RIMBP2: variants seen among roughly 807,000 people sequenced by gnomAD.
RIMBP2 encodes RIMS-binding protein 2.
RIMBP2 carries 48 observed loss-of-function variants against 118.6 expected under a neutral mutation model. The ratio of observed to expected loss-of-function variants is 0.40; its 90% CI spans 0.32 to 0.51. The LOEUF (loss-of-function observed/expected upper bound fraction) is 0.51. Among genes scored for constraint, RIMBP2 ranks in the 20% least tolerant of loss-of-function variants. RIMBP2 has a pLI of 0.41. For synonymous variants in RIMBP2, 762 were observed against 742.9 expected (o/e 1.03, Z -0.42); for missense variants, 1,551 against 1,768.3 (o/e 0.88, Z 2.20).
chr12:130,637,624 T>A (rs1042827571), intron 1 of RIMBP2, among the ~76,000 whole-genome samples: 9 of 152,242 alleles, frequency 5.9e-5, no homozygotes, highest in Non-Finnish European at 1.2e-4. Flanking sequence ...GATCAATGTA[T>A]CCCTGCACTG....
chr12:130,448,172 G>A (rs1489188147), intron 9 of RIMBP2, among the ~76,000 whole-genome samples: 1 of 152,036 alleles, frequency 6.6e-6, no homozygotes, highest in Non-Finnish European at 1.5e-5. Flanking sequence ...GAATACCACT[G>A]AAAGAGTGAG....
chr12:130,412,857 C>G (rs541136993), intron 18 of RIMBP2, 70 bp from the exon 19 acceptor site: 1 of 1,406,580 alleles, frequency 7.1e-7, no homozygotes, highest in East Asian at 2.3e-5. Flanking sequence ...GTCCCACTGA[C>G]GGTAAGTGAG....
intron 1 of RIMBP2, among the ~76,000 whole-genome samples, chr12:130,684,817 C>T (rs1004336212): frequency 6.6e-6 from 1 of 152,148 alleles, no homozygotes; most frequent in Non-Finnish European, 1.5e-5. Flanking sequence ...TTAGGGTGGA[C>T]ACCTTCCTTC....
chr12:130,464,726 C>A (rs1228818727), intron 6 of RIMBP2, among the ~76,000 whole-genome samples: 1 of 152,252 alleles, frequency 6.6e-6, no homozygotes, highest in East Asian at 1.9e-4. Context: ...GTAGGACCCA[C>A]CCAGGTCTCT....
intron 19 of RIMBP2, among the ~76,000 whole-genome samples, chr12:130,410,626 C>T (rs942530780): frequency 3.9e-5 from 6 of 152,140 alleles, no homozygotes; most frequent in Non-Finnish European, 8.8e-5. Flanking sequence ...ATCCTTTCTC[C>T]GTTGAATTGC....
At chr12:130,689,230 C>T (rs1344511348) in intron 1 of RIMBP2, among the ~76,000 whole-genome samples, 1 of 152,060 alleles carries the variant, frequency 6.6e-6, no homozygotes, top group Non-Finnish European at 1.5e-5. Flanking sequence ...GTCAGGAGTT[C>T]GAGCCCAGCC....
In RIMBP2 at chr12:130,438,282, C is replaced by G. The variant is rs538054958; in HGVS notation, c.1656+83G>C. 5.5e-5 allele frequency: 83 copies of G among 1,503,102 alleles called. 3 individuals are homozygous for G. In the South Asian group the frequency reaches 9.0e-4, roughly 16 times the overall value. The allele number at this position is 1,503,102 out of a possible 1,614,324, so 93.1% of individuals were successfully genotyped here. On this transcript the variant is annotated intron_variant, in intron 12 of 22. Transcript: ENST00000690449. ...TCAGGGCTGGAAGAGCAGACCCTGC[C>G]TCCTCCACTGAGCAAATACCGGGCC...
intron 2 of RIMBP2, among the ~76,000 whole-genome samples, chr12:130,546,097 C>CTTTTTTTT (rs56407634): frequency 3.9e-5 from 4 of 103,532 alleles, no homozygotes; most frequent in Admixed American, 1.3e-4. Flanking sequence ...ATCACTGCTT[C>CTTTTTTTT]TTTTTTTTTT....
chr12:130,659,191 A>C (rs2063551036), intron 1 of RIMBP2, among the ~76,000 whole-genome samples: 2 of 152,230 alleles, frequency 1.3e-5, no homozygotes, highest in African/African-American at 4.8e-5. Flanking sequence ...AAAAAAGTGG[A>C]AAGTAACAGA....
chr12:130,397,630 T>G (rs1221905042), intron 22 of RIMBP2, 81 bp from the exon 23 acceptor site: 2 of 397,400 alleles, frequency 5.0e-6, no homozygotes, highest in African/African-American at 4.1e-5. Flanking sequence ...ACTGTCCCCG[T>G]TTCCCACCAG....
rs577841018 is a variant in RIMBP2, at chr12:130,422,804, G to T, written c.3130-243C>A. Reference sequence around the variant, plus strand: ...GGGCAAAAATAATTCCTTGTGGGGGGGTCTCTTTTGGTTGCTGCTGCTGGT... The same window carrying T: ...GGGCAAAAATAATTCCTTGTGGGGGTGTCTCTTTTGGTTGCTGCTGCTGGT... On this transcript the variant is annotated intron_variant, in intron 16 of 22. Coordinates refer to ENST00000690449, the MANE Select transcript of RIMBP2 (RefSeq NM_001393629.1). This position sits in a 1 kb window ranked among gnomAD's most constrained non-coding sequence, Gnocchi z 5.2. 6.6e-6 allele frequency among the ~76,000 whole-genome samples: 1 copy of T among 152,094 alleles called. No individual in the cohort carries two copies. The highest frequency in any genetic ancestry group is 1.5e-5 in the Non-Finnish European group (1 of 68,026).
intron 3 of RIMBP2, among the ~76,000 whole-genome samples, chr12:130,513,484 CT>C (rs2051128808): frequency 6.6e-6 from 1 of 151,350 alleles, no homozygotes; most frequent in African/African-American, 2.4e-5. Flanking sequence ...AACCTCAGAC[CT>C]GCTACAGGAA....
chr12:130,497,088 C>T lies in RIMBP2; in HGVS notation c.-4+9560G>A, dbSNP rs181139695. 2.7e-3 allele frequency among the ~76,000 whole-genome samples: 409 copies of T among 152,302 alleles called. 3 individuals are homozygous for T. Among genetic ancestry groups the T allele is most frequent in the African/African-American group, 9.7e-3 (403 of 41,572 alleles). Reference sequence around the variant, plus strand: ...TCTGCCTCCATCCACACGTGGCTTCCTCCCTGAGCGTCTGTGTCTCTATCC... The same window carrying T: ...TCTGCCTCCATCCACACGTGGCTTCTTCCCTGAGCGTCTGTGTCTCTATCC... On this transcript the variant is annotated intron_variant, in intron 4 of 22. Transcript: ENST00000690449.
chr12:130,542,427 C>T (rs1381392049), intron 2 of RIMBP2, among the ~76,000 whole-genome samples: 1 of 152,154 alleles, frequency 6.6e-6, no homozygotes, highest in Non-Finnish European at 1.5e-5. Flanking sequence ...CCCCTAGAAT[C>T]TGAGATGAGT....
chr12:130,510,091 A>G (rs535173955), intron 3 of RIMBP2, among the ~76,000 whole-genome samples: 167 of 152,356 alleles, frequency 1.1e-3, no homozygotes, highest in Non-Finnish European at 2.1e-3. Context: ...GGTCAAGAAC[A>G]GACAACCTCC....
At chr12:130,416,993 C>T (rs1361416836) in intron 17 of RIMBP2, among the ~76,000 whole-genome samples, 2 of 151,946 alleles carry the variant, frequency 1.3e-5, no homozygotes, top group African/African-American at 4.8e-5. Context: ...AATAAAAATG[C>T]TCCACATCAC....
At chr12:130,679,687 A>G (rs1296267940) in intron 1 of RIMBP2, among the ~76,000 whole-genome samples, 1 of 152,272 alleles carries the variant, frequency 6.6e-6, no homozygotes, top group Non-Finnish European at 1.5e-5. Context: ...AACACTCTGT[A>G]CAAAAATACT....
At chr12:130,544,177 C>T (rs2139602783) in intron 2 of RIMBP2, among the ~76,000 whole-genome samples, 1 of 152,344 alleles carries the variant, frequency 6.6e-6, no homozygotes, top group East Asian at 1.9e-4. Flanking sequence ...CCTCTTCTGT[C>T]CTGACCCCTT....
At chr12:130,557,153 C>T (rs1339905596) in intron 2 of RIMBP2, among the ~76,000 whole-genome samples, 2 of 152,100 alleles carry the variant, frequency 1.3e-5, no homozygotes, top group Non-Finnish European at 2.9e-5. Flanking sequence ...CAGAGCTGCA[C>T]ACGGGAAGAA....
Sources: gnomAD v4.1 joint callset for allele counts (sites outside exome capture counted in the v4.1 genomes callset) on GRCh38, gnomAD v4.1.1 for gene constraint, Gnocchi (gnomAD v3.1) non-coding constraint, MANE v1.5 for transcripts, NCBI Gene and HGNC (gene_info 2026-07-23, HGNC 2026-07-21) for gene names.